Variants in PALM2AKAP2 observed in about 807,000 individuals in gnomAD.
PALM2AKAP2 encodes PALM2 and AKAP2 fusion.
A neutral mutation model predicts 71.5 loss-of-function variants in PALM2AKAP2; 37 were observed. That is an observed-to-expected ratio of 0.52 (90% CI 0.40 to 0.68). The LOEUF is 0.68. PALM2AKAP2 is among the 30% of genes least tolerant of loss of function. The pLI is 0.00. For synonymous variants in PALM2AKAP2, 468 were observed against 478.8 expected (o/e 0.98, Z 0.29); for missense variants, 1,224 against 1,191.8 (o/e 1.03, Z -0.40).
chr9:110,052,040 C>T (rs1833721509), intron 1 of PALM2AKAP2, among the ~76,000 whole-genome samples: 1 of 151,988 alleles, frequency 6.6e-6, no homozygotes, highest in Admixed American at 6.6e-5. Context: ...ATAGCTGAGA[C>T]TACAGGTGCC....
chr9:109,657,938 TTGTGTGTGTGTG>T (rs35984840), intron 1 of PALM2AKAP2, among the ~76,000 whole-genome samples: 18 of 142,440 alleles, frequency 1.3e-4, no homozygotes, highest in African/African-American at 4.0e-4. Flanking sequence ...TTGTGTGTGT[TTGTGTGTGTGTG>T]TGTGTGTGTG....
intron 6 of PALM2AKAP2, among the ~76,000 whole-genome samples, chr9:109,932,488 T>A (rs1479282413): frequency 6.6e-6 from 1 of 152,254 alleles, no homozygotes; most frequent in Admixed American, 6.5e-5. Flanking sequence ...CATATATTCC[T>A]AAGTCTTCCC....
intron 1 of PALM2AKAP2, among the ~76,000 whole-genome samples, chr9:110,069,643 G>T (rs1373893771): frequency 6.6e-6 from 1 of 152,162 alleles, no homozygotes; most frequent in Non-Finnish European, 1.5e-5. Flanking sequence ...TTGCTTATCG[G>T]ATTCTTAACT....
intron 1 of PALM2AKAP2, chr9:109,867,256 C>G: frequency 2.3e-6 from 1 of 437,234 alleles, no homozygotes; most frequent in Admixed American, 3.1e-5. Context: ...ATTCTTGCAG[C>G]CTGGCTGAGT....
At chr9:110,046,695 C>T (rs916859490), upstream of PALM2AKAP2, among the ~76,000 whole-genome samples, 17 of 151,986 alleles carry the variant, frequency 1.1e-4, no homozygotes, top group South Asian at 4.2e-4. Flanking sequence ...CTCAAACTCC[C>T]GACCTCAGAT....
chr9:110,013,423 T>G (rs1037912883), intron 6 of PALM2AKAP2, among the ~76,000 whole-genome samples: 3 of 152,174 alleles, frequency 2.0e-5, no homozygotes, highest in African/African-American at 7.2e-5. Flanking sequence ...CCAACAGGTA[T>G]CAAAAGTGGC....
chr9:110,036,891 T>C (rs1833420475), intron 7 of PALM2AKAP2, among the ~76,000 whole-genome samples: 1 of 152,172 alleles, frequency 6.6e-6, no homozygotes, highest in African/African-American at 2.4e-5. Context: ...TCCAGGTCTC[T>C]GCTCAAATAT....
intron 1 of PALM2AKAP2, among the ~76,000 whole-genome samples, chr9:110,063,596 C>T (rs111718653): frequency 0.032 from 4,726 of 149,244 alleles, 94 homozygotes; most frequent in Non-Finnish European, 0.044. Flanking sequence ...CCCACCACCA[C>T]GCCCAGCTAA....
chr9:110,113,336 TC>T, intron 1 of PALM2AKAP2, among the ~76,000 whole-genome samples: 1 of 151,726 alleles, frequency 6.6e-6, no homozygotes, highest in East Asian at 1.9e-4. Context: ...CCTCCCAGGT[TC>T]AAGAGATTCT....
chr9:109,764,752 G>A (rs1027405396), intron 1 of PALM2AKAP2, among the ~76,000 whole-genome samples: 5 of 152,098 alleles, frequency 3.3e-5, no homozygotes, highest in Non-Finnish European at 5.9e-5. Context: ...ATGGATGGAT[G>A]GGATGGGATG....
intron 3 of PALM2AKAP2, among the ~76,000 whole-genome samples, chr9:109,919,457 C>G (rs913111880): frequency 6.6e-6 from 1 of 152,150 alleles, no homozygotes; most frequent in Non-Finnish European, 1.5e-5. Flanking sequence ...TTCCATTACT[C>G]AGAGACAACT....
intron 1 of PALM2AKAP2, among the ~76,000 whole-genome samples, chr9:109,827,933 T>G (rs1828198387): frequency 6.6e-6 from 1 of 152,140 alleles, no homozygotes; most frequent in African/African-American, 2.4e-5. Context: ...GACCAAACAT[T>G]GTAAGAAATA....
chr9:109,878,272 A>C (rs1829761864), intron 2 of PALM2AKAP2, among the ~76,000 whole-genome samples: 1 of 152,228 alleles, frequency 6.6e-6, no homozygotes, highest in African/African-American at 2.4e-5. Flanking sequence ...GTAGATGCAC[A>C]CTATTTATAC....
rs1203165545 is a variant in PALM2AKAP2, at chr9:109,943,690, C to T, written c.496+11662C>T. On this transcript the variant is annotated intron_variant, in intron 6 of 9. Coordinates refer to the PALM2AKAP2 transcript ENST00000302798. ...AAGAGTGAATCACTTCCTTCCTGCT[C>T]GATTGGAATGGACTCTTCGTATCAG... The T allele has an allele frequency of 1.2e-5, 5 of 423,814 alleles. No homozygotes were observed. In the East Asian group the frequency reaches 1.2e-4, roughly 11 times the overall value. The allele number at this position is 423,814 out of a possible 1,614,324, so 26.3% of individuals were successfully genotyped here. A position where few individuals can be genotyped will look rare whatever the true frequency, so the allele number is the denominator to read the frequency against.
intron 6 of PALM2AKAP2, among the ~76,000 whole-genome samples, chr9:109,979,745 G>A (rs554253565): frequency 6.6e-6 from 1 of 152,082 alleles, no homozygotes; most frequent in South Asian, 2.1e-4. Flanking sequence ...AATATTGTGG[G>A]GGCTTCTGAT....
At chr9:109,756,851 G>A (rs187545025) in intron 1 of PALM2AKAP2, among the ~76,000 whole-genome samples, 13 of 152,088 alleles carry the variant, frequency 8.5e-5, no homozygotes, top group Admixed American at 5.9e-4. Context: ...TTTTTTTGAT[G>A]AGTACATATT....
chr9:110,061,302 CAT>C (rs1403254084), intron 1 of PALM2AKAP2, among the ~76,000 whole-genome samples: 1 of 152,148 alleles, frequency 6.6e-6, no homozygotes, highest in African/African-American at 2.4e-5. Context: ...TGGAGGAAGA[CAT>C]AATACAATGT....
At chr9:109,879,982 G>A (rs898605943) in intron 2 of PALM2AKAP2, among the ~76,000 whole-genome samples, 3 of 152,160 alleles carry the variant, frequency 2.0e-5, no homozygotes, top group African/African-American at 7.2e-5. Context: ...ACAGACATCA[G>A]CCACGGTGCC....
At chr9:110,071,868 TAGGACTTGTTCATATATGTACA>T (rs1345797342) in intron 1 of PALM2AKAP2, among the ~76,000 whole-genome samples, 2 of 152,210 alleles carry the variant, frequency 1.3e-5, no homozygotes, top group Non-Finnish European at 2.9e-5. Context: ...ATAGTCTTCG[TAGGACTTGTTCATATATGTACA>T]AGGTCAGTAA....
Sources: gnomAD v4.1 joint callset for allele counts (sites outside exome capture counted in the v4.1 genomes callset) on GRCh38, gnomAD v4.1.1 for gene constraint, MANE v1.5 for transcripts, NCBI Gene and HGNC (gene_info 2026-07-23, HGNC 2026-07-21) for gene names.